Variants in TBC1D14 observed in about 807,000 individuals in gnomAD.
TBC1D14 encodes the protein TBC1 domain family, member 14.
In TBC1D14, 26 loss-of-function variants were observed where a neutral mutation model predicts 79.0. That is an observed-to-expected ratio of 0.33 (90% CI 0.24 to 0.46). The LOEUF is 0.46. Ranked by LOEUF, TBC1D14 falls within the 20% of genes least tolerant of loss-of-function variation. TBC1D14 has a pLI of 1.00. For missense variants in TBC1D14, 769 were observed against 887.6 expected, an observed-to-expected ratio of 0.87 and a Z score of 1.70; for synonymous variants, 394 against 349.9, an observed-to-expected ratio of 1.13 and a Z score of -1.40.
intron 3 of TBC1D14, among the ~76,000 whole-genome samples, chr4:6,971,105 G>C (rs1033683917): frequency 6.6e-6 from 1 of 152,118 alleles, no homozygotes; most frequent in Admixed American, 6.5e-5. Flanking sequence ...GGTTGAGCTG[G>C]GGTCAGGTGT....
intron 12 of TBC1D14, among the ~76,000 whole-genome samples, chr4:7,023,447 C>A (rs1284404540): frequency 6.6e-5 from 10 of 152,122 alleles, no homozygotes. Context: ...TCTCCAGGTA[C>A]AATTGAGAAT....
intron 12 of TBC1D14, among the ~76,000 whole-genome samples, chr4:7,020,333 G>T (rs1186029262): frequency 6.6e-6 from 1 of 152,238 alleles, no homozygotes; most frequent in South Asian, 2.1e-4. Context: ...GGGATTGTGT[G>T]TTTGGAGTTT....
intron 6 of TBC1D14, among the ~76,000 whole-genome samples, chr4:7,000,470 T>G (rs1399701731): frequency 6.6e-6 from 1 of 152,138 alleles, no homozygotes; most frequent in Non-Finnish European, 1.5e-5. Flanking sequence ...AAGGATGGAG[T>G]TAGGATGCAG....
chr4:6,954,277 C>T (rs960160445), intron 2 of TBC1D14: 11 of 717,338 alleles, frequency 1.5e-5, no homozygotes, highest in East Asian at 8.0e-5. Flanking sequence ...GCCGGCCCCT[C>T]GGAGCTGCGA....
intron 2 of TBC1D14, among the ~76,000 whole-genome samples, chr4:6,941,480 C>T (rs918746678): frequency 3.3e-5 from 5 of 152,156 alleles, no homozygotes; most frequent in Non-Finnish European, 5.9e-5. Context: ...CCACTGCGCC[C>T]GGCCAAAAGC....
At chr4:6,945,867 A>G (rs1176730875) in intron 2 of TBC1D14, among the ~76,000 whole-genome samples, 2 of 151,910 alleles carry the variant, frequency 1.3e-5, no homozygotes, top group East Asian at 3.8e-4. Flanking sequence ...CTAGCTGCAC[A>G]GTAGGATTAC....
In TBC1D14 at chr4:6,961,009, C is replaced by G. The variant is rs138723509; in HGVS notation, c.723-6295C>G. Reference sequence around the variant, plus strand: ...ACCTCGCTCCTAATTATTAGGACACCGTGTCCTGGGGTCTGGCACTCGACA... The same window carrying G: ...ACCTCGCTCCTAATTATTAGGACACGGTGTCCTGGGGTCTGGCACTCGACA... On this transcript the variant is annotated intron_variant, in intron 2 of 13. Transcript: ENST00000409757. Among the ~76,000 whole-genome samples, 483 of 152,260 alleles carry G rather than the reference C, an allele frequency of 3.2e-3. 1 individual carries two copies. Among genetic ancestry groups the G allele is most frequent in the African/African-American group, 0.011 (454 of 41,552 alleles).
intron 8 of TBC1D14, 114 bp downstream of exon 8, chr4:7,005,038 A>C (rs2109221474): frequency 2.1e-6 from 2 of 968,666 alleles, no homozygotes; most frequent in Non-Finnish European, 3.1e-6. Context: ...TGGAGTCATA[A>C]AAAGCTCCAC....
intron 3 of TBC1D14, chr4:6,987,419 T>A (rs1199477767): frequency 1.3e-5 from 17 of 1,287,542 alleles, no homozygotes; most frequent in African/African-American, 1.1e-4. Context: ...GCCTGTCCTG[T>A]CCTGGGCCTG....
chr4:6,997,544 T>G (rs904350407), intron 5 of TBC1D14, among the ~76,000 whole-genome samples: 3 of 152,268 alleles, frequency 2.0e-5, no homozygotes, highest in Admixed American at 2.0e-4. Flanking sequence ...GAGAATCGCT[T>G]GAACCCAGGA....
At chr4:6,981,030 T>C (rs1355391009) in intron 3 of TBC1D14, among the ~76,000 whole-genome samples, 1 of 150,424 alleles carries the variant, frequency 6.6e-6, no homozygotes, top group Non-Finnish European at 1.5e-5. Context: ...CTCTTTTTTT[T>C]TTTTTTTTTT....
intron 10 of TBC1D14, 33 bp downstream of exon 10, chr4:7,009,981 G>A (rs774194485): frequency 6.2e-7 from 1 of 1,611,238 alleles, no homozygotes; most frequent in East Asian, 2.2e-5. Flanking sequence ...TTATAATGTT[G>A]TTATCTAAAA....
chr4:6,974,790 A>T (rs1436427659), intron 3 of TBC1D14, among the ~76,000 whole-genome samples: 3 of 152,222 alleles, frequency 2.0e-5, no homozygotes, highest in African/African-American at 7.2e-5. Context: ...AATGCAGTTC[A>T]AAATTAATTG....
At chr4:6,986,354 G>GTA (rs1258691509) in intron 3 of TBC1D14, among the ~76,000 whole-genome samples, 1 of 152,224 alleles carries the variant, frequency 6.6e-6, no homozygotes, top group African/African-American at 2.4e-5. Context: ...GTTCCAGGGA[G>GTA]TATGGTAGGG....
At chr4:7,025,358 C>G in intron 13 of TBC1D14, 96 bp downstream of exon 13, 1 of 1,538,712 alleles carries the variant, frequency 6.5e-7, no homozygotes, top group Non-Finnish European at 8.8e-7. Context: ...GAGGACGTAG[C>G]CCCTTTGATG....
At chr4:7,025,971 G>A (rs1722330892) in intron 13 of TBC1D14, among the ~76,000 whole-genome samples, 1 of 152,170 alleles carries the variant, frequency 6.6e-6, no homozygotes, top group Non-Finnish European at 1.5e-5. Flanking sequence ...TTGGTTTGAA[G>A]TCCTTGTTGA....
intron 13 of TBC1D14, 51 bp downstream of exon 13, chr4:7,025,313 G>T: frequency 6.2e-7 from 1 of 1,607,358 alleles, no homozygotes; most frequent in Non-Finnish European, 8.5e-7. Context: ...GGCAAGTGGC[G>T]CGACTCAGGA....
chr4:6,961,619 C>T (rs772770404), intron 2 of TBC1D14, among the ~76,000 whole-genome samples: 4 of 152,122 alleles, frequency 2.6e-5, no homozygotes, highest in Non-Finnish European at 5.9e-5. Context: ...ATTGGAGCCA[C>T]GACGCCATTG....
intron 1 of TBC1D14, among the ~76,000 whole-genome samples, chr4:6,911,996 A>T (rs1723033452): frequency 6.6e-6 from 1 of 152,164 alleles, no homozygotes; most frequent in Admixed American, 6.5e-5. Flanking sequence ...TATTGTCCAG[A>T]CTGGATCTGA....
Sources: allele counts gnomAD v4.1 joint callset (sites outside exome capture counted in the v4.1 genomes callset), GRCh38; gene constraint gnomAD v4.1.1; transcripts MANE v1.5; gene names NCBI Gene and HGNC (gene_info 2026-07-23, HGNC 2026-07-21).